ANO10: variants seen among roughly 807,000 people sequenced by gnomAD.
ANO10 encodes the protein anoctamin 10, also known as anoctamin-10.
In ANO10, 77 loss-of-function variants were observed where a neutral mutation model predicts 74.7. The ratio of observed to expected loss-of-function variants is 1.03; its 90% confidence interval spans 0.86 to 1.25. The LOEUF (loss-of-function observed/expected upper bound fraction) is 1.25. Ranked by LOEUF, ANO10 falls within the 50% of genes most tolerant of loss-of-function variation. The pLI, the probability that ANO10 is intolerant of heterozygous loss-of-function variation, is 0.00. For missense variants in ANO10, 721 were observed against 778.1 expected, an observed-to-expected ratio of 0.93 and a Z score of 0.87; for synonymous variants, 279 against 284.9, an observed-to-expected ratio of 0.98 and a Z score of 0.21.
At chr3:43,382,440 A>G (rs1340997356) in intron 12 of ANO10, among the ~76,000 whole-genome samples, 2 of 151,022 alleles carry the variant, frequency 1.3e-5, no homozygotes, top group Non-Finnish European at 3.0e-5. Flanking sequence ...AATGGCGTGA[A>G]CCCGGGAGGC....
intron 1 of ANO10, among the ~76,000 whole-genome samples, chr3:43,628,525 A>T (rs1339563742): frequency 6.6e-6 from 1 of 152,234 alleles, no homozygotes; most frequent in African/African-American, 2.4e-5. Flanking sequence ...AAAAAAGAAC[A>T]GGATAACAGC....
intron 11 of ANO10, among the ~76,000 whole-genome samples, chr3:43,453,260 A>G (rs1168298519): frequency 1.3e-5 from 2 of 149,648 alleles, no homozygotes; most frequent in Admixed American, 1.3e-4. Context: ...CTCACTTGCA[A>G]GCTCCACCAC....
intron 11 of ANO10, among the ~76,000 whole-genome samples, chr3:43,476,819 A>C (rs2076083686): frequency 6.6e-6 from 1 of 152,182 alleles, no homozygotes; most frequent in African/African-American, 2.4e-5. Context: ...CCCCGAATTC[A>C]TGCATGACCA....
chr3:43,521,175 C>A (rs1267926753), intron 11 of ANO10, among the ~76,000 whole-genome samples: 1 of 152,142 alleles, frequency 6.6e-6, no homozygotes, highest in East Asian at 1.9e-4. Context: ...ACTTCCTGGA[C>A]AATGCTAAAT....
chr3:43,501,136 T>C (rs1411826139), intron 11 of ANO10, among the ~76,000 whole-genome samples: 1 of 152,306 alleles, frequency 6.6e-6, no homozygotes, highest in East Asian at 1.9e-4. Flanking sequence ...ACAAGAAGCA[T>C]GGCACCAGCA....
At chr3:43,555,646 C>T (rs1441303957) in intron 9 of ANO10, among the ~76,000 whole-genome samples, 177 bp from the exon 10 acceptor site, 3 of 152,216 alleles carry the variant, frequency 2.0e-5, no homozygotes, top group African/African-American at 7.2e-5. Context: ...ATCCCACACA[C>T]ATGCAATAAT....
At chr3:43,407,156 G>A (rs1472450769) in intron 12 of ANO10, among the ~76,000 whole-genome samples, 3 of 151,962 alleles carry the variant, frequency 2.0e-5, no homozygotes, top group Non-Finnish European at 4.4e-5. Flanking sequence ...CACCCACCTC[G>A]GCCTCCTAAA....
intron 11 of ANO10, among the ~76,000 whole-genome samples, chr3:43,529,941 A>C (rs1023988367): frequency 2.6e-5 from 4 of 152,286 alleles, no homozygotes; most frequent in African/African-American, 7.2e-5. Context: ...TCTGCATCTC[A>C]ATTAATGCAA....
At chr3:43,504,300 G>GTAGATCGA (rs2077207820) in intron 11 of ANO10, among the ~76,000 whole-genome samples, 1 of 139,822 alleles carries the variant, frequency 7.2e-6, no homozygotes, top group Non-Finnish European at 1.5e-5. Flanking sequence ...AGGTAGGTAG[G>GTAGATCGA]TAGATAGATA....
intron 9 of ANO10, among the ~76,000 whole-genome samples, chr3:43,556,063 C>T (rs1292896746): frequency 6.6e-6 from 1 of 152,142 alleles, no homozygotes; most frequent in East Asian, 1.9e-4. Context: ...TTCTAAATAA[C>T]TTGGTTGGTT....
intron 10 of ANO10, chr3:43,551,555 C>T: frequency 2.2e-6 from 1 of 457,238 alleles, no homozygotes; most frequent in Non-Finnish European, 4.4e-6. Context: ...CAATTCAGCC[C>T]TCTCTTTACA....
chr3:43,534,485 C>A (rs568266149), intron 11 of ANO10, among the ~76,000 whole-genome samples: 1 of 145,880 alleles, frequency 6.9e-6, no homozygotes, highest in African/African-American at 2.6e-5. Flanking sequence ...TGAGAGAGAG[C>A]GCGCAAGAGA....
At chr3:43,449,294 CTT>C (rs368078711) in intron 11 of ANO10, among the ~76,000 whole-genome samples, 1 of 152,014 alleles carries the variant, frequency 6.6e-6, no homozygotes, top group African/African-American at 2.4e-5. Flanking sequence ...TTTTCATTCT[CTT>C]TTGCAGAGAA....
chr3:43,464,274 A>G (rs2075517347), intron 11 of ANO10, among the ~76,000 whole-genome samples: 1 of 152,248 alleles, frequency 6.6e-6, no homozygotes, highest in Middle Eastern at 3.2e-3. Flanking sequence ...AGAAAAGAAC[A>G]CCACAGACCA....
At chr3:43,538,189 C>A (rs1353951272) in intron 11 of ANO10, among the ~76,000 whole-genome samples, 1 of 152,020 alleles carries the variant, frequency 6.6e-6, no homozygotes, top group African/African-American at 2.4e-5. Flanking sequence ...TGAAATTTGA[C>A]GTAGCATACT....
At chr3:43,549,915 A>G in intron 10 of ANO10, 67 bp from the exon 11 acceptor site, 3 of 1,564,004 alleles carry the variant, frequency 1.9e-6, no homozygotes, top group Non-Finnish European at 2.6e-6. Flanking sequence ...ATCCTTTTTC[A>G]TGTTATCTAA....
intron 1 of ANO10, among the ~76,000 whole-genome samples, chr3:43,646,200 A>G (rs1413705077): frequency 6.6e-6 from 1 of 152,236 alleles, no homozygotes; most frequent in Non-Finnish European, 1.5e-5. Context: ...GTTATAGATT[A>G]GCTTGTTTTA....
Position 43,446,121 on chromosome 3 carries a change from A to G in ANO10, c.1798-13394T>C, listed in dbSNP as rs115009413. On this transcript the variant is annotated intron_variant, in intron 11 of 12. Coordinates refer to ENST00000292246, the MANE Select transcript of ANO10 (RefSeq NM_018075.5). ...TGATCACTTTGTGACCTCCACTGTC[A>G]TCAGCTTCGGGGCCCAGGGTTCATG... Among the ~76,000 whole-genome samples the G allele has an allele frequency of 5.5e-3, 844 of 152,300 alleles. 7 individuals are homozygous for G. The highest frequency in any genetic ancestry group is 0.019 in the African/African-American group (806 of 41,570).
At chr3:43,446,567 C>T (rs1041876321) in intron 11 of ANO10, among the ~76,000 whole-genome samples, 8 of 151,972 alleles carry the variant, frequency 5.3e-5, no homozygotes, top group Non-Finnish European at 7.4e-5. Context: ...TTGTTATGTT[C>T]TTAAGATATG....
Sources: allele counts gnomAD v4.1 joint callset (sites outside exome capture counted in the v4.1 genomes callset), GRCh38; gene constraint gnomAD v4.1.1; transcripts MANE v1.5; gene names NCBI Gene and HGNC (gene_info 2026-07-23, HGNC 2026-07-21).